The following RRAS2 variants were observed in gnomAD, a reference collection of about 807,000 sequenced individuals.
The protein encoded by RRAS2 is RAS related 2.
A neutral mutation model predicts 27.6 loss-of-function variants in RRAS2; 7 were observed. The ratio of observed to expected loss-of-function variants is 0.25; its 90% CI spans 0.14 to 0.48. RRAS2 has a LOEUF of 0.48. RRAS2 is among the 20% of genes least tolerant of loss of function. The pLI is 0.99. For missense variants in RRAS2, 178 were observed against 256.2 expected (o/e 0.69, Z 2.08); for synonymous variants, 86 against 90.9 (o/e 0.95, Z 0.31).
intron 1 of RRAS2, among the ~76,000 whole-genome samples, chr11:14,340,648 G>A (rs180780604): frequency 2.0e-5 from 3 of 152,184 alleles, no homozygotes; most frequent in East Asian, 1.9e-4. Context: ...AATCAATACC[G>A]TAAGAGTTAG....
intron 1 of RRAS2, among the ~76,000 whole-genome samples, chr11:14,297,992 T>A (rs1239657845): frequency 1.4e-5 from 2 of 143,398 alleles, no homozygotes; most frequent in Non-Finnish European, 3.0e-5. Flanking sequence ...TAACTAGCCT[T>A]AAAAAAAAAA....
Position 14,358,227 on chromosome 11 carries a change from G to GT in RRAS2, c.108+535dup, listed in dbSNP as rs1353820443. On this transcript the variant is annotated intron_variant, in intron 1 of 5. Coordinates refer to ENST00000256196, the MANE Select transcript of RRAS2 (RefSeq NM_012250.6). The surrounding 1 kb of genome is among the most constrained non-coding windows in gnomAD (Gnocchi z 5.1). ...CTAAGAGAGTACTTATAAAAAGAGCGTAACACACACACAAAGAAATACACA... is the reference window on the plus strand; with the variant it reads ...CTAAGAGAGTACTTATAAAAAGAGCGTTAACACACACACAAAGAAATACACA... 6.1e-6 allele frequency: 6 copies of GT among 985,258 alleles called. No individual in the cohort carries two copies. The African/African-American group carries it at 1.0e-4, about 17-fold the overall frequency. 61.0% of individuals were successfully genotyped at this position (985,258 alleles called of 1,614,324 possible). A position where few individuals can be genotyped will look rare whatever the true frequency, so the allele number is the denominator to read the frequency against.
intron 1 of RRAS2, among the ~76,000 whole-genome samples, chr11:14,328,317 G>A (rs1848409089): frequency 8.1e-6 from 1 of 123,970 alleles, no homozygotes; most frequent in South Asian, 2.6e-4. Context: ...AGTGAGCCAA[G>A]ATCGCACCAT....
upstream of RRAS2, among the ~76,000 whole-genome samples, chr11:14,363,387 T>A (rs546875307): frequency 6.6e-6 from 1 of 152,334 alleles, no homozygotes; most frequent in South Asian, 2.1e-4. Context: ...TAGTGTCTTT[T>A]AAAATGAAGA....
chr11:14,307,849 A>AT (rs782013370), intron 1 of RRAS2, among the ~76,000 whole-genome samples: 88 of 151,642 alleles, frequency 5.8e-4, no homozygotes, highest in East Asian at 5.2e-3. Flanking sequence ...TAAGTAGGTC[A>AT]TTTTTTTTTA....
intron 4 of RRAS2, among the ~76,000 whole-genome samples, chr11:14,292,508 G>A (rs1031722685): frequency 6.6e-6 from 1 of 151,898 alleles, no homozygotes; most frequent in African/African-American, 2.4e-5. Flanking sequence ...GAACTGAGAA[G>A]AGCCACAGGC....
chr11:14,315,880 T>A (rs977868089), intron 1 of RRAS2, among the ~76,000 whole-genome samples: 2 of 152,130 alleles, frequency 1.3e-5, no homozygotes, highest in Non-Finnish European at 1.5e-5. Flanking sequence ...TAAAATTAAA[T>A]CCACATTTTA....
At chr11:14,307,849 A>AC (rs1564964055) in intron 1 of RRAS2, among the ~76,000 whole-genome samples, 2 of 151,526 alleles carry the variant, frequency 1.3e-5, no homozygotes, top group East Asian at 3.9e-4. Flanking sequence ...TAAGTAGGTC[A>AC]TTTTTTTTTA....
At chr11:14,297,304 G>C (rs1197650572) in intron 1 of RRAS2, among the ~76,000 whole-genome samples, 1 of 152,118 alleles carries the variant, frequency 6.6e-6, no homozygotes. Context: ...CTGGCTCTTG[G>C]GACCCAACAT....
chr11:14,288,807 A>G (rs781818231), intron 4 of RRAS2, among the ~76,000 whole-genome samples: 1 of 152,226 alleles, frequency 6.6e-6, no homozygotes, highest in Admixed American at 6.5e-5. Context: ...AGAATAAACT[A>G]CATTTCAGTG....
At chr11:14,350,797 A>G (rs1379753089) in intron 1 of RRAS2, among the ~76,000 whole-genome samples, 1 of 152,216 alleles carries the variant, frequency 6.6e-6, no homozygotes, top group African/African-American at 2.4e-5. Flanking sequence ...TGCCACTCGC[A>G]GGCTGAGTGT....
Position 14,351,276 on chromosome 11 carries a change from AC to A in RRAS2, c.108+7486del, listed in dbSNP as rs553211172. On this transcript the variant is annotated intron_variant, in intron 1 of 5. Coordinates refer to ENST00000256196, the MANE Select transcript of RRAS2 (RefSeq NM_012250.6). ...GACTAAAGAACTGTTCCAAAGTAAG[AC>A]ATGGAAATAATGAATTGGATAATCT... Among the ~76,000 whole-genome samples the A allele has an allele frequency of 1.3e-4, 20 of 152,354 alleles. No homozygotes were observed. The East Asian group carries it at 3.5e-3, about 26-fold the overall frequency.
At chr11:14,283,833 T>A (rs547647677) in intron 4 of RRAS2, among the ~76,000 whole-genome samples, 30 of 152,248 alleles carry the variant, frequency 2.0e-4, no homozygotes, top group African/African-American at 7.2e-4. Context: ...TGACTGATCT[T>A]CCAAAAAGCC....
intron 4 of RRAS2, among the ~76,000 whole-genome samples, chr11:14,285,572 T>C (rs1849638794): frequency 6.6e-6 from 1 of 152,232 alleles, no homozygotes; most frequent in Admixed American, 6.5e-5. Context: ...TTGGTATCAT[T>C]TCCCTTCTGC....
chr11:14,323,120 G>T (rs1474698696), intron 1 of RRAS2, among the ~76,000 whole-genome samples: 2 of 151,982 alleles, frequency 1.3e-5, no homozygotes, highest in South Asian at 2.1e-4. Flanking sequence ...ATGGACATAC[G>T]CCTAGAAAAA....
At chr11:14,301,157 CAAT>C (rs1847691737) in intron 1 of RRAS2, among the ~76,000 whole-genome samples, 1 of 152,134 alleles carries the variant, frequency 6.6e-6, no homozygotes, top group Non-Finnish European at 1.5e-5. Context: ...AGAACGGAAA[CAAT>C]AAACAAGTGT....
intron 1 of RRAS2, among the ~76,000 whole-genome samples, chr11:14,334,127 G>A (rs1229093284): frequency 6.6e-6 from 1 of 152,120 alleles, no homozygotes; most frequent in Non-Finnish European, 1.5e-5. Flanking sequence ...CTACTGGGTC[G>A]AAATTTATGA....
chr11:14,299,032 T>C (rs914422008), intron 1 of RRAS2, among the ~76,000 whole-genome samples: 1 of 152,224 alleles, frequency 6.6e-6, no homozygotes, highest in African/African-American at 2.4e-5. Flanking sequence ...CAAATCACTT[T>C]ACATGTCTAA....
chr11:14,352,772 G>T (rs1848988317), intron 1 of RRAS2, among the ~76,000 whole-genome samples: 1 of 148,624 alleles, frequency 6.7e-6, no homozygotes, highest in African/African-American at 2.5e-5. Flanking sequence ...GAGAGAGAGA[G>T]AGAGAGAGGG....
Sources: gnomAD v4.1 joint callset for allele counts (sites outside exome capture counted in the v4.1 genomes callset) on GRCh38, gnomAD v4.1.1 for gene constraint, Gnocchi (gnomAD v3.1) non-coding constraint, MANE v1.5 for transcripts, NCBI Gene and HGNC (gene_info 2026-07-23, HGNC 2026-07-21) for gene names.